ARMC3: variants seen among roughly 807,000 people sequenced by gnomAD.
The protein encoded by ARMC3 is armadillo repeat-containing protein 3.
Under a neutral mutation model 90.3 loss-of-function variants are expected in ARMC3, and 74 were observed. The ratio of observed to expected loss-of-function variants is 0.82; its 90% confidence interval spans 0.68 to 0.99. ARMC3 has a LOEUF of 0.99. ARMC3 is among the 50% of genes least tolerant of loss of function. The probability of loss-of-function intolerance (pLI) is 0.00; values close to 1 mark genes in which losing one functional copy is unlikely to be tolerated. For missense variants in ARMC3, 958 were observed against 1,042.8 expected, an observed-to-expected ratio of 0.92 and a Z score of 1.12; for synonymous variants, 334 against 361.8, an observed-to-expected ratio of 0.92 and a Z score of 0.87.
At chr10:22,930,917 T>C (rs1219438136) in intron 1 of ARMC3, among the ~76,000 whole-genome samples, 1 of 150,404 alleles carries the variant, frequency 6.6e-6, no homozygotes, top group Admixed American at 6.7e-5. Flanking sequence ...TAATAGACAT[T>C]AACATCTTGA....
chr10:23,030,932 C>A, intron 17 of ARMC3, 136 bp downstream of exon 17: 1 of 972,244 alleles, frequency 1.0e-6, no homozygotes, highest in Non-Finnish European at 1.5e-6. Flanking sequence ...CACAGAAACA[C>A]AATGAATTGG....
intron 10 of ARMC3, among the ~76,000 whole-genome samples, chr10:22,996,740 C>A (rs900275241): frequency 1.3e-5 from 2 of 152,190 alleles, no homozygotes; most frequent in Non-Finnish European, 2.9e-5. Flanking sequence ...AGCCTGCTTA[C>A]ACCTATGGCT....
chr10:22,952,416 A>G (rs1174608232), intron 3 of ARMC3, among the ~76,000 whole-genome samples: 2 of 152,226 alleles, frequency 1.3e-5, no homozygotes, highest in Non-Finnish European at 2.9e-5. Flanking sequence ...AATTAATACC[A>G]ATAAATTCTA....
intron 7 of ARMC3, among the ~76,000 whole-genome samples, chr10:22,964,440 A>AT (rs112985563): frequency 0.07 from 9,623 of 138,450 alleles, 796 homozygotes; most frequent in African/African-American, 0.2. Flanking sequence ...TGTAGTGTTA[A>AT]TTTTTTTTTT....
At chr10:23,006,805 G>C in intron 13 of ARMC3, 79 bp from the exon 14 acceptor site, 1 of 1,142,850 alleles carries the variant, frequency 8.8e-7, no homozygotes, top group Admixed American at 1.7e-5. Flanking sequence ...AAACAGCTGA[G>C]AATATATTCT....
rs111493228 is a variant in ARMC3 at position 23,007,566 on chromosome 10, G to T, written c.1829+585G>T. On this transcript the variant is annotated intron_variant, in intron 14 of 18. Coordinates refer to ENST00000298032, the MANE Select transcript of ARMC3 (RefSeq NM_173081.5). ...ACAAAAATTAGTTGGGTGTGGTGGC[G>T]CACGCCTGTAATCCCAGCTACTCAG... 4.2e-3 allele frequency among the ~76,000 whole-genome samples: 632 copies of T among 152,042 alleles called. 5 individuals carry two copies. Among genetic ancestry groups the T allele is most frequent in the African/African-American group, 0.015 (606 of 41,466 alleles).
chr10:22,944,367 T>A (rs180997562), intron 2 of ARMC3, among the ~76,000 whole-genome samples: 1 of 152,332 alleles, frequency 6.6e-6, no homozygotes, highest in East Asian at 1.9e-4. Context: ...TTTTAAACCA[T>A]CTTGTGTTAT....
intron 2 of ARMC3, among the ~76,000 whole-genome samples, chr10:22,933,036 A>C (rs1274882172): frequency 6.6e-6 from 1 of 152,254 alleles, no homozygotes; most frequent in Non-Finnish European, 1.5e-5. Flanking sequence ...ATCTATTATC[A>C]TGAGAATCCT....
At chr10:23,025,792 A>G (rs1838694243) in intron 16 of ARMC3, among the ~76,000 whole-genome samples, 1 of 152,152 alleles carries the variant, frequency 6.6e-6, no homozygotes, top group Admixed American at 6.5e-5. Flanking sequence ...AAATCAATGA[A>G]ATAAAAATCT....
intron 8 of ARMC3, among the ~76,000 whole-genome samples, chr10:22,974,168 TA>T (rs1181613095): frequency 6.6e-6 from 1 of 152,226 alleles, no homozygotes; most frequent in Non-Finnish European, 1.5e-5. Flanking sequence ...AATTTGATAT[TA>T]AGATTACCAT....
chr10:22,956,330 C>G (rs1834933638), intron 4 of ARMC3, among the ~76,000 whole-genome samples: 1 of 152,132 alleles, frequency 6.6e-6, no homozygotes, highest in Non-Finnish European at 1.5e-5. Flanking sequence ...AAACTGCAAA[C>G]TATATTTTGC....
intron 16 of ARMC3, among the ~76,000 whole-genome samples, chr10:23,013,878 G>A (rs775133284): frequency 3.2e-4 from 49 of 151,448 alleles, no homozygotes; most frequent in Non-Finnish European, 5.7e-4. Flanking sequence ...CTTTATATCC[G>A]TAGAGCCTAG....
intron 8 of ARMC3, among the ~76,000 whole-genome samples, chr10:22,975,627 T>G (rs1021614038): frequency 6.6e-6 from 1 of 152,180 alleles, no homozygotes; most frequent in African/African-American, 2.4e-5. Context: ...AAGCCTGATT[T>G]GCATTATTTT....
chr10:22,928,326 G>A (rs1351290023), intron 1 of ARMC3, among the ~76,000 whole-genome samples: 1 of 152,198 alleles, frequency 6.6e-6, no homozygotes, highest in Non-Finnish European at 1.5e-5. Context: ...CAAAACTGAG[G>A]CCCGAGAGGG....
chr10:22,955,900 C>T lies in ARMC3; in HGVS notation c.260C>T (p.Ala87Val), dbSNP rs752537753. ...GAAGACAAAATTGTAAGAAGAAATG[C>T]TACTATGATATTTGGAATCCTGGCT... ...THEDKIVRRN[A>V]TMIFGILASN... The change falls in exon 4 of 19, where the codon GCT becomes GTT. Residue 87 changes from alanine to valine, a missense_variant. Ala to Val is a moderately conservative substitution (Grantham distance 64, BLOSUM62 0). Transcript: ENST00000298032. The T allele has an allele frequency of 9.3e-6, 15 of 1,609,526 alleles. No individual in the cohort carries two copies. Among genetic ancestry groups the T allele is most frequent in the African/African-American group, 4.0e-5 (3 of 74,810 alleles).
rs756308547 is a variant in ARMC3, at chr10:23,033,006, C to A, written c.2392C>A (p.Arg798=). ...TGTCAAAAAAGGAATCTTCTACCAT[C>A]GAGCTTTGCTTTTCAAGGTGTGTAA... The part of the protein sequence containing the change: ...GHVKKGIFYH[R]ALLFKALADR... Residue 798 remains arginine (R), a synonymous_variant, in exon 18 of 19, where the codon CGA becomes AGA. Coordinates refer to ENST00000298032, the MANE Select transcript of ARMC3 (RefSeq NM_173081.5). The A allele has an allele frequency of 5.6e-6, 9 of 1,612,302 alleles. No homozygotes were observed. The highest frequency in any genetic ancestry group is 7.6e-6 in the Non-Finnish European group (9 of 1,179,116).
At chr10:22,986,224 C>T (rs1836430223) in intron 10 of ARMC3, among the ~76,000 whole-genome samples, 1 of 151,380 alleles carries the variant, frequency 6.6e-6, no homozygotes, top group South Asian at 2.1e-4. Flanking sequence ...CCATAGTAGG[C>T]ATTCGAAGGA....
chr10:22,991,311 C>G (rs961088904), intron 10 of ARMC3, among the ~76,000 whole-genome samples: 1 of 152,128 alleles, frequency 6.6e-6, no homozygotes, highest in Non-Finnish European at 1.5e-5. Flanking sequence ...AGATTACCCC[C>G]TAGCCAGTAT....
intron 16 of ARMC3, among the ~76,000 whole-genome samples, chr10:23,025,235 G>C (rs1838670262): frequency 6.6e-6 from 1 of 151,952 alleles, no homozygotes; most frequent in African/African-American, 2.4e-5. Flanking sequence ...GAAGATTTCA[G>C]CAACAGCAGC....
Sources: gnomAD v4.1 joint callset for allele counts (sites outside exome capture counted in the v4.1 genomes callset) on GRCh38, gnomAD v4.1.1 for gene constraint, MANE v1.5 for transcripts, NCBI Gene and HGNC (gene_info 2026-07-23, HGNC 2026-07-21) for gene names.